Variants in NEGR1 observed in about 807,000 individuals in gnomAD.
NEGR1 encodes IgLON family member 4.
In NEGR1, 10 loss-of-function variants were observed where a neutral mutation model predicts 40.9. That is an observed-to-expected ratio of 0.24 (90% CI 0.15 to 0.42). NEGR1 has a LOEUF of 0.42. Ranked by LOEUF, NEGR1 falls within the 10% of genes least tolerant of loss-of-function variation. NEGR1 has a pLI of 1.00. For missense variants in NEGR1, 352 were observed against 438.9 expected, an observed-to-expected ratio of 0.80 and a Z score of 1.77; for synonymous variants, 185 against 166.8, an observed-to-expected ratio of 1.11 and a Z score of -0.84.
chr1:71,587,627 A>C (rs1289098423), intron 6 of NEGR1, among the ~76,000 whole-genome samples: 1 of 147,776 alleles, frequency 6.8e-6, no homozygotes, highest in African/African-American at 2.5e-5. Context: ...TGTTACTTTG[A>C]ATAAATGCAT....
At chr1:72,256,122 C>G (rs1182226619) in intron 1 of NEGR1, among the ~76,000 whole-genome samples, 1 of 152,194 alleles carries the variant, frequency 6.6e-6, no homozygotes, top group Non-Finnish European at 1.5e-5. Flanking sequence ...TTCCTTTACA[C>G]CTACATGATT....
chr1:71,760,356 A>C (rs1289347503), intron 3 of NEGR1, among the ~76,000 whole-genome samples: 2 of 152,192 alleles, frequency 1.3e-5, no homozygotes. Flanking sequence ...ACAGCTCTGA[A>C]TTTAAAAATT....
chr1:71,913,813 T>G (rs1416954156), intron 2 of NEGR1, among the ~76,000 whole-genome samples: 1 of 151,344 alleles, frequency 6.6e-6, no homozygotes, highest in Non-Finnish European at 1.5e-5. Context: ...TTACACATGG[T>G]TGCAAACTCT....
intron 4 of NEGR1, among the ~76,000 whole-genome samples, chr1:71,614,811 T>C (rs748574328): frequency 5.3e-5 from 8 of 152,154 alleles, no homozygotes; most frequent in Non-Finnish European, 1.2e-4. Flanking sequence ...ATCTAGTTCA[T>C]CATTAAAAGG....
rs570178375 is a variant in NEGR1, at chr1:71,735,064, C to G, written c.536-36925G>C. Among the ~76,000 whole-genome samples the G allele has an allele frequency of 4.6e-5, 7 of 152,184 alleles. 1 individual carries two copies. In the South Asian group the frequency reaches 1.5e-3, roughly 32 times the overall value. On this transcript the variant is annotated intron_variant, in intron 3 of 6. Coordinates refer to ENST00000357731, the MANE Select transcript of NEGR1 (RefSeq NM_173808.3). ...TTTGCCAACTTCCAATTTTTCTTCA[C>G]TAGATGTGGCCTATTTCTTAATTTT...
chr1:72,243,518 T>C (rs1654814167), intron 1 of NEGR1, among the ~76,000 whole-genome samples: 1 of 151,838 alleles, frequency 6.6e-6, no homozygotes, highest in Non-Finnish European at 1.5e-5. Context: ...GAATGATTTA[T>C]ATGTCTGTTT....
chr1:71,629,690 A>G (rs531643848), intron 4 of NEGR1, among the ~76,000 whole-genome samples: 1 of 152,158 alleles, frequency 6.6e-6, no homozygotes, highest in African/African-American at 2.4e-5. Flanking sequence ...TGCAGATGAC[A>G]TGATTGTATG....
intron 1 of NEGR1, among the ~76,000 whole-genome samples, chr1:72,126,111 G>GTGTT (rs1650011340): frequency 1.3e-5 from 2 of 151,178 alleles, no homozygotes; most frequent in South Asian, 4.2e-4. Context: ...GTGTGTGTGT[G>GTGTT]TGTGTGTGTG....
chr1:72,119,877 C>T (rs78590455), intron 1 of NEGR1, among the ~76,000 whole-genome samples: 1 of 151,946 alleles, frequency 6.6e-6, no homozygotes, highest in Non-Finnish European at 1.5e-5. Flanking sequence ...ACAATAGACA[C>T]TTGGTTACAC....
chr1:72,030,026 A>C (rs1363285313), intron 1 of NEGR1, among the ~76,000 whole-genome samples: 5 of 10,954 alleles, frequency 4.6e-4, no homozygotes, highest in Non-Finnish European at 1.6e-3. Flanking sequence ...AAAGGAGTGA[A>C]ATATGAAAAA....
chr1:71,673,036 C>T (rs1480926693), intron 4 of NEGR1, among the ~76,000 whole-genome samples: 1 of 151,914 alleles, frequency 6.6e-6, no homozygotes, highest in Non-Finnish European at 1.5e-5. Context: ...GAGATCGAGA[C>T]GATCCTGACT....
chr1:71,787,270 T>C (rs1422085191), intron 2 of NEGR1, among the ~76,000 whole-genome samples: 2 of 152,310 alleles, frequency 1.3e-5, no homozygotes, highest in African/African-American at 4.8e-5. Context: ...AAAGCCAGTG[T>C]GGTGTTGGTA....
chr1:71,562,444 A>G (rs1648492039), intron 6 of NEGR1, among the ~76,000 whole-genome samples: 1 of 151,804 alleles, frequency 6.6e-6, no homozygotes. Flanking sequence ...CTCTTGACAA[A>G]TCTTAATAAT....
At chr1:72,034,173 T>G (rs1380124746) in intron 1 of NEGR1, among the ~76,000 whole-genome samples, 2 of 152,212 alleles carry the variant, frequency 1.3e-5, no homozygotes, top group East Asian at 3.9e-4. Flanking sequence ...TATAAAATTA[T>G]CTTCAGAATC....
intron 1 of NEGR1, among the ~76,000 whole-genome samples, chr1:71,942,485 T>TA (rs61271690): frequency 0.01 from 51 of 4,920 alleles, no homozygotes; most frequent in East Asian, 0.025. Context: ...ATATATATAT[T>TA]TTTTTTTTTT....
chr1:71,987,074 T>A (rs896836612), intron 1 of NEGR1, among the ~76,000 whole-genome samples: 1 of 151,986 alleles, frequency 6.6e-6, no homozygotes, highest in African/African-American at 2.4e-5. Flanking sequence ...GAGAAACTTT[T>A]TTTTTCTGTC....
At chr1:71,956,001 T>C (rs1646116333) in intron 1 of NEGR1, among the ~76,000 whole-genome samples, 1 of 152,202 alleles carries the variant, frequency 6.6e-6, no homozygotes, top group Non-Finnish European at 1.5e-5. Context: ...ATGGATAAAT[T>C]CAATTTCTTT....
intron 2 of NEGR1, among the ~76,000 whole-genome samples, chr1:71,905,095 C>T (rs1232945842): frequency 6.6e-6 from 1 of 152,032 alleles, no homozygotes; most frequent in Non-Finnish European, 1.5e-5. Flanking sequence ...GTAGCTCTGT[C>T]TTAAGCATAA....
At chr1:71,991,870 C>G (rs562282766) in intron 1 of NEGR1, among the ~76,000 whole-genome samples, 6 of 152,202 alleles carry the variant, frequency 3.9e-5, no homozygotes, top group African/African-American at 1.4e-4. Flanking sequence ...CGACTCACTG[C>G]AACCTCCGCC....
Sources: allele counts gnomAD v4.1 joint callset (sites outside exome capture counted in the v4.1 genomes callset), GRCh38; gene constraint gnomAD v4.1.1; transcripts MANE v1.5; gene names NCBI Gene and HGNC (gene_info 2026-07-23, HGNC 2026-07-21).